Variants in WDFY4 observed in about 807,000 individuals in gnomAD.
WDFY4 encodes WDFY family member 4, also known as WD repeat- and FYVE domain-containing protein 4.
WDFY4 carries 169 observed loss-of-function variants against 351.9 expected under a neutral mutation model. That is an observed-to-expected ratio of 0.48 (90% CI 0.42 to 0.55). The LOEUF (loss-of-function observed/expected upper bound fraction) is 0.55. Among genes scored for constraint, WDFY4 ranks in the 20% least tolerant of loss-of-function variants. The pLI is 0.00. For missense variants in WDFY4, 3,803 were observed against 3,935.6 expected, an observed-to-expected ratio of 0.97 and a Z score of 0.90; for synonymous variants, 1,622 against 1,574.6, an observed-to-expected ratio of 1.03 and a Z score of -0.71.
Position 48,726,052 on chromosome 10 carries a change from A to G in WDFY4, c.763A>G (p.Ile255Val). 6.5e-7 allele frequency: 1 copy of G among 1,549,628 alleles called. No individual in the cohort carries two copies. Among genetic ancestry groups the G allele is most frequent in the South Asian group, 1.2e-5 (1 of 84,032 alleles). The change falls in exon 6 of 62, where the codon ATC becomes GTC. Residue 255 changes from isoleucine (I) to valine (V), a missense_variant. By Grantham distance (29) the Ile-to-Val change is conservative. This residue lies in a region of WDFY4 where 488 missense variants were observed against 456.8 expected (regional missense o/e 1.07). Coordinates refer to ENST00000325239, the MANE Select transcript of WDFY4 (RefSeq NM_001394531.1). Reference sequence around the variant, plus strand: ...AATCTCCAAGGCCCAGAACCTCAGCATCATCCAGTACCTGCAGGGTATGGC... The same window carrying G: ...AATCTCCAAGGCCCAGAACCTCAGCGTCATCCAGTACCTGCAGGGTATGGC... ...RAISKAQNLS[I>V]IQYLQATDCV... is the part of the protein sequence containing the mutation.
At chr10:48,706,871 G>A (rs1169214446) in intron 1 of WDFY4, among the ~76,000 whole-genome samples, 1 of 152,140 alleles carries the variant, frequency 6.6e-6, no homozygotes, top group Non-Finnish European at 1.5e-5. Context: ...AAATAAACAA[G>A]CAACATTACT....
chr10:48,721,601 C>T lies in WDFY4; in HGVS notation c.456+234C>T, dbSNP rs778615406. ...GTGGCCAGATTGCTTTACCTTTCTG[C>T]CCCTTGGTTGCATTTCTAATTTTAG... On this transcript the variant is annotated intron_variant, in intron 4 of 61. Transcript: ENST00000325239. Among the ~76,000 whole-genome samples the T allele has an allele frequency of 2.6e-5, 4 of 152,314 alleles. No homozygotes were observed. In the East Asian group the frequency reaches 5.8e-4, roughly 22 times the overall value.
At chr10:48,697,379 G>GGGGAC (rs2063358656) in intron 1 of WDFY4, among the ~76,000 whole-genome samples, 1 of 152,196 alleles carries the variant, frequency 6.6e-6, no homozygotes, top group South Asian at 2.1e-4. Flanking sequence ...GGCCTCACCT[G>GGGGAC]GGGACGTGTT....
intron 50 of WDFY4, 97 bp from the exon 51 acceptor site, chr10:48,946,763 G>T: frequency 1.1e-6 from 1 of 891,240 alleles, no homozygotes; most frequent in South Asian, 1.6e-5. Context: ...ATGAATATAT[G>T]TTTTTAATGC....
rs115273545 is a variant in WDFY4 at position 48,728,695 on chromosome 10, A to G, written c.972-737A>G. Among the ~76,000 whole-genome samples, 625 of 152,370 alleles carry G rather than the reference A, an allele frequency of 4.1e-3. 6 individuals carry two copies. Among genetic ancestry groups the G allele is most frequent in the African/African-American group, 0.014 (594 of 41,590 alleles). On this transcript the variant is annotated intron_variant, in intron 7 of 61. Transcript: ENST00000325239. The stretch of plus-strand genomic sequence containing the variant: ...GCTAAGTGTAAATGCCCCTCTGGGC[A>G]CATCACATTTTGCATTGGTCTGGGC...
At chr10:48,765,578 G>A (rs951366587) in intron 13 of WDFY4, among the ~76,000 whole-genome samples, 3 of 152,142 alleles carry the variant, frequency 2.0e-5, no homozygotes, top group South Asian at 2.1e-4. Context: ...TATAACAACC[G>A]TGCATGGTGG....
chr10:48,709,785 C>T lies in WDFY4; in HGVS notation c.53C>T (p.Ser18Phe), dbSNP rs2063722430. The change falls in exon 2 of 62, where the codon TCC becomes TTC. Residue 18 changes from serine (S) to phenylalanine (F), a missense_variant. Around this residue, in one of 3 missense-constraint regions of WDFY4, gnomAD observed 488 missense variants for 456.8 expected, o/e 1.07. Transcript: ENST00000325239. ...GAAGACAGAAATGAAGACCCAGGTT[C>T]CAAAAATGAAGGGCAGCTTGCTGCT... ...KAEDRNEDPG[S>F]KNEGQLAAVQ... 1.3e-6 allele frequency: 2 copies of T among 1,551,798 alleles called. No individual in the cohort carries two copies. Among genetic ancestry groups the T allele is most frequent in the Admixed American group, 3.9e-5 (2 of 50,992 alleles).
At chr10:48,749,120 C>T (rs1223648747) in intron 12 of WDFY4, among the ~76,000 whole-genome samples, 69 of 152,186 alleles carry the variant, frequency 4.5e-4, no homozygotes, top group Admixed American at 4.5e-3. Context: ...ACACCATGCT[C>T]AGCTTTTTAC....
chr10:48,719,875 G>A (rs544803284), intron 2 of WDFY4, 136 bp from the exon 3 acceptor site: 7 of 698,432 alleles, frequency 1.0e-5, no homozygotes, highest in Admixed American at 6.8e-5. Context: ...GGTGGGTGAC[G>A]TGGTGGCCTT....
At chr10:48,797,875 C>T (rs2066926583) in intron 24 of WDFY4, among the ~76,000 whole-genome samples, 1 of 152,140 alleles carries the variant, frequency 6.6e-6, no homozygotes, top group South Asian at 2.1e-4. Flanking sequence ...GGGATGTTAA[C>T]TGTAGAATGA....
At chr10:48,837,828 T>C (rs966889736) in intron 39 of WDFY4, among the ~76,000 whole-genome samples, 7 of 152,160 alleles carry the variant, frequency 4.6e-5, no homozygotes, top group African/African-American at 1.7e-4. Flanking sequence ...CAGCCCACTT[T>C]CCTCCTGGGA....
intron 59 of WDFY4, among the ~76,000 whole-genome samples, chr10:48,977,425 TCATC>T (rs371807944): frequency 0.018 from 2,670 of 150,094 alleles, 75 homozygotes; most frequent in African/African-American, 0.056. Context: ...ACCCATCCAC[TCATC>T]CATCCATCCA....
At chr10:48,769,920 C>T (rs776236560) in intron 13 of WDFY4, among the ~76,000 whole-genome samples, 11 of 152,234 alleles carry the variant, frequency 7.2e-5, no homozygotes, top group Non-Finnish European at 1.6e-4. Context: ...GCCCAGCCCG[C>T]TGGCCAACCT....
intron 49 of WDFY4, 148 bp downstream of exon 49, chr10:48,943,597 TC>T: frequency 1.2e-6 from 1 of 833,014 alleles, no homozygotes; most frequent in Non-Finnish European, 1.7e-6. Flanking sequence ...AGCTCAGATC[TC>T]TTTTTTTTTT....
chr10:48,795,169 C>T (rs567060154), intron 23 of WDFY4, among the ~76,000 whole-genome samples: 1 of 151,886 alleles, frequency 6.6e-6, no homozygotes, highest in African/African-American at 2.4e-5. Context: ...GGAAGGAATG[C>T]AACACGTTTG....
At chr10:48,751,815 T>C (rs1463875546) in intron 12 of WDFY4, among the ~76,000 whole-genome samples, 1 of 151,994 alleles carries the variant, frequency 6.6e-6, no homozygotes, top group East Asian at 1.9e-4. Flanking sequence ...AGGATTGGAG[T>C]AGTCATCCTC....
chr10:48,714,437 A>G (rs1243429896), intron 2 of WDFY4, among the ~76,000 whole-genome samples: 1 of 152,226 alleles, frequency 6.6e-6, no homozygotes, highest in Non-Finnish European at 1.5e-5. Context: ...ACACAGAGCC[A>G]ATGACTTCTG....
chr10:48,946,084 G>T lies in WDFY4; in HGVS notation c.7794G>T (p.Lys2598Asn). ...ANPKIFRDLSKPMGAQTKERK... is the reference protein window; with the variant it reads ...ANPKIFRDLSNPMGAQTKERK... ...CGAAGATTTTCCGGGATCTTTCAAA[G>T]CCCATGGGGGCTCAGACCAAGGAAA... The change falls in exon 50 of 62, where the codon AAG becomes AAT. Residue 2598 changes from lysine (K) to asparagine (N), a missense_variant. Physicochemically the swap from Lys to Asn is moderately conservative, Grantham distance 94. Transcript: ENST00000325239. 1 of 1,547,396 alleles carries T rather than the reference G, an allele frequency of 6.5e-7. No individual in the cohort carries two copies. The highest frequency in any genetic ancestry group is 1.4e-5 in the African/African-American group (1 of 72,820).
chr10:48,718,590 A>T (rs928518533), intron 2 of WDFY4, among the ~76,000 whole-genome samples: 1 of 152,236 alleles, frequency 6.6e-6, no homozygotes, highest in Non-Finnish European at 1.5e-5. Context: ...CGGAATGTGC[A>T]CAGCAGCTGA....
Sources: allele counts gnomAD v4.1 joint callset (sites outside exome capture counted in the v4.1 genomes callset), GRCh38; gene constraint gnomAD v4.1.1; regional missense constraint gnomAD v4.1.1; transcripts MANE v1.5; gene names NCBI Gene and HGNC (gene_info 2026-07-23, HGNC 2026-07-21).